Variants in PDE3A observed in about 807,000 individuals in gnomAD.
The protein encoded by PDE3A is phosphodiesterase 3A.
PDE3A carries 43 observed loss-of-function variants against 98.3 expected under a neutral mutation model. The ratio of observed to expected loss-of-function variants is 0.44; its 90% CI spans 0.34 to 0.56. PDE3A has a LOEUF of 0.56. Among genes scored for constraint, PDE3A ranks in the 20% least tolerant of loss-of-function variants. The pLI is 0.01. For missense variants in PDE3A, 1,427 were observed against 1,440.7 expected, an observed-to-expected ratio of 0.99 and a Z score of 0.15; for synonymous variants, 663 against 567.9, an observed-to-expected ratio of 1.17 and a Z score of -2.38.
At chr12:20,554,403 T>C (rs1236024189) in intron 1 of PDE3A, among the ~76,000 whole-genome samples, 1 of 120,848 alleles carries the variant, frequency 8.3e-6, no homozygotes, top group Non-Finnish European at 1.9e-5. Context: ...TTAGATTTAT[T>C]TAATTTTTTT....
At chr12:20,482,245 A>T (rs1021390021) in intron 1 of PDE3A, among the ~76,000 whole-genome samples, 3 of 57,766 alleles carry the variant, frequency 5.2e-5, no homozygotes, top group South Asian at 1.9e-3. Flanking sequence ...TTTTTCTGTA[A>T]AAAAAAAAAA....
chr12:20,636,335 T>C (rs933476743), intron 8 of PDE3A, among the ~76,000 whole-genome samples: 2 of 152,200 alleles, frequency 1.3e-5, no homozygotes, highest in Non-Finnish European at 2.9e-5. Context: ...TATTATCATT[T>C]TTCTTTTACT....
intron 1 of PDE3A, among the ~76,000 whole-genome samples, chr12:20,440,237 T>A (rs528334775): frequency 3.9e-5 from 6 of 152,142 alleles, no homozygotes; most frequent in Non-Finnish European, 8.8e-5. Flanking sequence ...AAGGAATAGT[T>A]AGGATTTAAT....
In PDE3A at chr12:20,594,820, G is replaced by A. The variant is rs555951763; in HGVS notation, c.1012-18623G>A. ...GGTTACCGTGTTTGGCTGAACCTAAGGTAATCATATTTTTTTATTGCCTTA... is the reference window on the plus strand; with the variant it reads ...GGTTACCGTGTTTGGCTGAACCTAAAGTAATCATATTTTTTTATTGCCTTA... On this transcript the variant is annotated intron_variant, in intron 2 of 15. Transcript: ENST00000359062. Among the ~76,000 whole-genome samples, 6 of 151,898 alleles carry A rather than the reference G, an allele frequency of 4.0e-5. No homozygotes were observed. The South Asian group carries it at 6.2e-4, about 16-fold the overall frequency.
chr12:20,418,993 T>C (rs1181600914), intron 1 of PDE3A, among the ~76,000 whole-genome samples: 1 of 152,214 alleles, frequency 6.6e-6, no homozygotes, highest in Non-Finnish European at 1.5e-5. Flanking sequence ...GTATAAATAA[T>C]ACTGAAGTGC....
At chr12:20,386,946 T>A (rs1338952464) in intron 1 of PDE3A, among the ~76,000 whole-genome samples, 1 of 151,754 alleles carries the variant, frequency 6.6e-6, no homozygotes, top group Non-Finnish European at 1.5e-5. Context: ...AGTTAATTTT[T>A]GTATAAGTTA....
intron 1 of PDE3A, among the ~76,000 whole-genome samples, chr12:20,545,363 C>T (rs1212168248): frequency 6.6e-6 from 1 of 151,946 alleles, no homozygotes; most frequent in African/African-American, 2.4e-5. Context: ...CTGAATTTGC[C>T]TCTATCTGAA....
chr12:20,437,160 G>A (rs1347241744), intron 1 of PDE3A, among the ~76,000 whole-genome samples: 1 of 152,100 alleles, frequency 6.6e-6, no homozygotes, highest in East Asian at 1.9e-4. Flanking sequence ...GTTGGATGAT[G>A]TGAAATAAAT....
intron 1 of PDE3A, among the ~76,000 whole-genome samples, chr12:20,372,940 A>G (rs1415375707): frequency 6.6e-6 from 1 of 152,094 alleles, no homozygotes; most frequent in Non-Finnish European, 1.5e-5. Flanking sequence ...CTGATGAACT[A>G]TCCCTCTTCA....
chr12:20,651,789 T>C (rs1944925114), intron 14 of PDE3A, among the ~76,000 whole-genome samples: 1 of 152,134 alleles, frequency 6.6e-6, no homozygotes. Context: ...TTATTATACT[T>C]TAAGTTTTAG....
chr12:20,577,411 T>C (rs1942961547), intron 2 of PDE3A, among the ~76,000 whole-genome samples: 1 of 152,208 alleles, frequency 6.6e-6, no homozygotes, highest in African/African-American at 2.4e-5. Flanking sequence ...CAAAGGATTT[T>C]AAGTAAAGAA....
At chr12:20,438,948 C>G (rs754649394) in intron 1 of PDE3A, among the ~76,000 whole-genome samples, 1 of 151,916 alleles carries the variant, frequency 6.6e-6, no homozygotes, top group African/African-American at 2.4e-5. Context: ...CGTACCACCA[C>G]GCCTGGCTAA....
Position 20,520,108 on chromosome 12 carries a change from T to C in PDE3A, c.961-36552T>C, listed in dbSNP as rs191003540. Among the ~76,000 whole-genome samples the C allele has an allele frequency of 2.0e-5, 3 of 152,282 alleles. No individual in the cohort carries two copies. In the East Asian group the frequency reaches 5.8e-4, roughly 29 times the overall value. ...GTGAATTGCACCATAGTCATTGGTA[T>C]CAGTAATGAAAAATCCAACGTGTTT... On this transcript the variant is annotated intron_variant, in intron 1 of 15. Coordinates refer to ENST00000359062, the MANE Select transcript of PDE3A (RefSeq NM_000921.5).
intron 1 of PDE3A, among the ~76,000 whole-genome samples, chr12:20,377,955 G>A (rs745857713): frequency 6.6e-6 from 1 of 151,716 alleles, no homozygotes; most frequent in Non-Finnish European, 1.5e-5. Context: ...CTTTAGAAAT[G>A]AAAGTGCTTA....
chr12:20,429,417 T>G (rs1328983442), intron 1 of PDE3A, among the ~76,000 whole-genome samples: 2 of 152,200 alleles, frequency 1.3e-5, no homozygotes, highest in East Asian at 3.9e-4. Flanking sequence ...CTACAGCCCT[T>G]TTTCAAATGG....
At chr12:20,639,329 CA>C (rs1467835613) in intron 9 of PDE3A, among the ~76,000 whole-genome samples, 2 of 152,010 alleles carry the variant, frequency 1.3e-5, no homozygotes, top group Non-Finnish European at 2.9e-5. Flanking sequence ...AATCATGTTC[CA>C]AAAACAGAGT....
intron 5 of PDE3A, among the ~76,000 whole-genome samples, chr12:20,622,166 T>C (rs1266660310): frequency 6.6e-6 from 1 of 152,096 alleles, no homozygotes; most frequent in Non-Finnish European, 1.5e-5. Flanking sequence ...CACTTCCCAC[T>C]GAGATATGAA....
intron 8 of PDE3A, among the ~76,000 whole-genome samples, chr12:20,635,735 A>G (rs1270932416): frequency 2.0e-5 from 3 of 147,864 alleles, no homozygotes; most frequent in African/African-American, 7.5e-5. Context: ...CCTGGGCAAC[A>G]GAGTGCCACT....
intron 15 of PDE3A, among the ~76,000 whole-genome samples, chr12:20,678,095 A>G (rs1194358759): frequency 2.0e-5 from 3 of 152,076 alleles, no homozygotes; most frequent in Non-Finnish European, 2.9e-5. Context: ...CCATCACATG[A>G]TTTCCAGGCA....
Sources: allele counts gnomAD v4.1 joint callset (sites outside exome capture counted in the v4.1 genomes callset), GRCh38; gene constraint gnomAD v4.1.1; transcripts MANE v1.5; gene names NCBI Gene and HGNC (gene_info 2026-07-23, HGNC 2026-07-21).